Variants in MB21D2 observed in about 807,000 individuals in gnomAD.
MB21D2 encodes the protein nucleotidyltransferase MB21D2.
MB21D2 carries 9 observed loss-of-function variants against 33.3 expected under a neutral mutation model. That is an observed-to-expected ratio of 0.27 (90% CI 0.16 to 0.47). The LOEUF (loss-of-function observed/expected upper bound fraction) is 0.47. MB21D2 is among the 20% of genes least tolerant of loss of function. The pLI, the probability that MB21D2 is intolerant of heterozygous loss-of-function variation, is 0.99. For synonymous variants in MB21D2, 241 were observed against 236.3 expected, an observed-to-expected ratio of 1.02 and a Z score of -0.18; for missense variants, 540 against 624.6, an observed-to-expected ratio of 0.86 and a Z score of 1.44.
chr3:192,824,320 A>G (rs1489005710), intron 1 of MB21D2, among the ~76,000 whole-genome samples: 3 of 152,076 alleles, frequency 2.0e-5, no homozygotes, highest in African/African-American at 7.2e-5. Flanking sequence ...TGTATTTTAA[A>G]TTTTTTTTAA....
intron 1 of MB21D2, among the ~76,000 whole-genome samples, chr3:192,868,646 A>G (rs1288312271): frequency 1.3e-5 from 2 of 152,092 alleles, no homozygotes; most frequent in African/African-American, 4.8e-5. Context: ...TTAAAGGGGG[A>G]AAAGACATAT....
At chr3:192,917,560 A>C in intron 1 of MB21D2, 70 bp downstream of exon 1, 14 of 1,540,866 alleles carry the variant, frequency 9.1e-6, no homozygotes, top group Non-Finnish European at 1.2e-5. Context: ...GAGAAGCGGC[A>C]ATGGGTTTTC....
intron 1 of MB21D2, among the ~76,000 whole-genome samples, chr3:192,915,180 A>G (rs114876453): frequency 0.014 from 2,121 of 150,932 alleles, 51 homozygotes; most frequent in African/African-American, 0.049. Context: ...GCCACCCTCC[A>G]CCCCCCCGCC....
At chr3:192,820,444 G>C (rs1050551901) in intron 1 of MB21D2, among the ~76,000 whole-genome samples, 7 of 152,076 alleles carry the variant, frequency 4.6e-5, no homozygotes, top group African/African-American at 1.7e-4. Flanking sequence ...GCAGGGAAAG[G>C]ACTCGTACAG....
intron 1 of MB21D2, among the ~76,000 whole-genome samples, chr3:192,811,083 G>GT (rs1711779091): frequency 6.6e-6 from 1 of 152,170 alleles, no homozygotes; most frequent in South Asian, 2.1e-4. Flanking sequence ...GAAGTGCAGG[G>GT]GAGTTAATGC....
Position 192,799,084 on chromosome 3 carries a change from C to T in MB21D2, c.778G>A (p.Gly260Arg). Reference protein sequence around the residue: ...SWLMENHFWDGKITEEEVISG... With the variant: ...SWLMENHFWDRKITEEEVISG... ...ATGACCTCTTCCTCAGTAATCTTCC[C>T]ATCCCAAAAGTGGTTCTCCATGAGC... The change falls in exon 2 of 2, where the codon GGG (glycine) becomes AGG (arginine). Residue 260 changes from glycine (G) to arginine (R), a missense_variant. Gly to Arg is a moderately radical substitution (Grantham distance 125). Coordinates refer to ENST00000392452, the MANE Select transcript of MB21D2 (RefSeq NM_178496.4). The surrounding 1 kb of genome is among the most constrained non-coding windows in gnomAD (Gnocchi z 4.1). 6.2e-7 allele frequency: 1 copy of T among 1,614,056 alleles called. No homozygotes were observed. The highest frequency in any genetic ancestry group is 8.5e-7 in the Non-Finnish European group (1 of 1,179,982).
At chr3:192,821,445 G>A (rs1195354090) in intron 1 of MB21D2, among the ~76,000 whole-genome samples, 1 of 152,128 alleles carries the variant, frequency 6.6e-6, no homozygotes, top group Non-Finnish European at 1.5e-5. Flanking sequence ...AGACCGCAGA[G>A]CACCTGCAGC....
chr3:192,818,796 T>C (rs1711981610), intron 1 of MB21D2, among the ~76,000 whole-genome samples: 1 of 152,154 alleles, frequency 6.6e-6, no homozygotes, highest in South Asian at 2.1e-4. Flanking sequence ...TTATGCAGAA[T>C]ATGAGGATTT....
chr3:192,894,987 G>C (rs1327103095), intron 1 of MB21D2, among the ~76,000 whole-genome samples: 1 of 152,100 alleles, frequency 6.6e-6, no homozygotes, highest in Non-Finnish European at 1.5e-5. Flanking sequence ...GGGTTCTTTG[G>C]GCATCAAACT....
intron 1 of MB21D2, among the ~76,000 whole-genome samples, chr3:192,800,151 C>T (rs1292281175): frequency 1.3e-5 from 2 of 152,184 alleles, no homozygotes; most frequent in African/African-American, 2.4e-5. Context: ...TTTGCGCTTA[C>T]ACTCTTCTTT....
intron 1 of MB21D2, among the ~76,000 whole-genome samples, chr3:192,899,397 C>T (rs895782408): frequency 3.9e-5 from 6 of 152,192 alleles, no homozygotes; most frequent in Non-Finnish European, 8.8e-5. Flanking sequence ...GGCATGGTGG[C>T]GGACGCCTGT....
chr3:192,887,921 A>C (rs936773535), intron 1 of MB21D2, among the ~76,000 whole-genome samples: 2 of 152,010 alleles, frequency 1.3e-5, no homozygotes, highest in Admixed American at 1.3e-4. Flanking sequence ...CACTTCAAAC[A>C]AGCTCCCAGG....
intron 1 of MB21D2, among the ~76,000 whole-genome samples, chr3:192,870,731 A>G (rs9849359): frequency 0.39 from 51,066 of 130,718 alleles, 10,817 homozygotes; most frequent in East Asian, 0.7. Context: ...GAAGGAGAGA[A>G]GAAGGAAGGA....
intron 1 of MB21D2, among the ~76,000 whole-genome samples, chr3:192,898,153 T>G (rs1407892194): frequency 1.9e-5 from 2 of 105,760 alleles, no homozygotes; most frequent in Admixed American, 9.8e-5. Flanking sequence ...CAGTAGCATT[T>G]TATAACTATT....
intron 1 of MB21D2, among the ~76,000 whole-genome samples, chr3:192,810,650 T>C (rs548147848): frequency 6.6e-6 from 1 of 152,324 alleles, no homozygotes; most frequent in East Asian, 1.9e-4. Context: ...ACTTCAACAA[T>C]TATGTTTGCC....
At chr3:192,911,508 C>T (rs916019405) in intron 1 of MB21D2, among the ~76,000 whole-genome samples, 17 of 152,302 alleles carry the variant, frequency 1.1e-4, no homozygotes, top group Admixed American at 5.9e-4. Context: ...AAGCCTAACA[C>T]AGGACAGGAT....
intron 1 of MB21D2, among the ~76,000 whole-genome samples, chr3:192,882,501 T>C (rs1008047281): frequency 1.3e-5 from 2 of 152,134 alleles, no homozygotes; most frequent in African/African-American, 4.8e-5. Context: ...AGCATGTCCT[T>C]TCAATGCCAT....
intron 1 of MB21D2, among the ~76,000 whole-genome samples, chr3:192,889,699 C>T (rs147191162): frequency 2.1e-4 from 32 of 152,016 alleles, no homozygotes; most frequent in African/African-American, 7.5e-4. Flanking sequence ...AGCCAAAATA[C>T]CTAACAAACA....
chr3:192,878,389 A>G (rs1182136952), intron 1 of MB21D2, among the ~76,000 whole-genome samples: 1 of 152,240 alleles, frequency 6.6e-6, no homozygotes, highest in Non-Finnish European at 1.5e-5. Flanking sequence ...CTCCCCTTAG[A>G]GAGAAAATTG....
Sources: gnomAD v4.1 joint callset for allele counts (sites outside exome capture counted in the v4.1 genomes callset) on GRCh38, gnomAD v4.1.1 for gene constraint, Gnocchi (gnomAD v3.1) non-coding constraint, MANE v1.5 for transcripts, NCBI Gene and HGNC (gene_info 2026-07-23, HGNC 2026-07-21) for gene names.